Variants in PSD3 observed in about 807,000 individuals in gnomAD.
The protein encoded by PSD3 is PH and SEC7 domain-containing protein 3.
Under a neutral mutation model 105.5 loss-of-function variants are expected in PSD3, and 49 were observed. The observed-to-expected ratio is 0.46, with a 90% CI of 0.37 to 0.59. The LOEUF is 0.59. PSD3 is among the 20% of genes least tolerant of loss of function. The pLI is 0.00. For missense variants in PSD3, 1,561 were observed against 1,263.8 expected (o/e 1.24, Z -3.57); for synonymous variants, 557 against 457.8 (o/e 1.22, Z -2.77).
intron 4 of PSD3, among the ~76,000 whole-genome samples, chr8:18,813,919 A>C (rs964231194): frequency 6.6e-6 from 1 of 152,248 alleles, no homozygotes; most frequent in Admixed American, 6.5e-5. Context: ...CATCTTCGTC[A>C]CCAACACCAC....
rs552596669 is a variant in PSD3, at chr8:18,757,209, T to G, written c.2172+8240A>C. 4.6e-5 allele frequency among the ~76,000 whole-genome samples: 7 copies of G among 150,876 alleles called. No individual in the cohort carries two copies. In the East Asian group the frequency reaches 7.8e-4, roughly 17 times the overall value. ...GGCTCACGCCTGGAATCCCAGCACT[T>G]TGGGAGGCCGAGGTGGGTGGATCAT... On this transcript the variant is annotated intron_variant, in intron 9 of 15. Coordinates refer to ENST00000327040, the MANE Select transcript of PSD3 (RefSeq NM_015310.4).
At chr8:18,536,154 A>G (rs545333118) in intron 15 of PSD3, among the ~76,000 whole-genome samples, 196 bp from the exon 16 acceptor site, 2 of 152,332 alleles carry the variant, frequency 1.3e-5, no homozygotes, top group African/African-American at 4.8e-5. Context: ...TGTAGATAAG[A>G]AATTAAGTTA....
At chr8:18,572,743 C>A (rs374253243) in intron 13 of PSD3, 71 bp from the exon 14 acceptor site, 25 of 1,525,832 alleles carry the variant, frequency 1.6e-5, no homozygotes, top group Middle Eastern at 1.8e-4. Flanking sequence ...GCCTATTTCA[C>A]GTTACTGATT....
intron 1 of PSD3, among the ~76,000 whole-genome samples, chr8:19,036,448 T>C (rs1351046439): frequency 6.6e-6 from 1 of 152,100 alleles, no homozygotes; most frequent in East Asian, 1.9e-4. Flanking sequence ...ATAGCTGATA[T>C]CATACAATTT....
chr8:18,705,534 C>CAAAA (rs34331384), intron 9 of PSD3, among the ~76,000 whole-genome samples: 56 of 88,402 alleles, frequency 6.3e-4, no homozygotes, highest in African/African-American at 1.5e-3. Context: ...CTGTCTCAAG[C>CAAAA]AAAAAAAAAA....
At chr8:18,747,038 G>A (rs1448242336) in intron 9 of PSD3, among the ~76,000 whole-genome samples, 7 of 152,138 alleles carry the variant, frequency 4.6e-5, no homozygotes, top group South Asian at 4.1e-4. Context: ...TTTAAATGGC[G>A]GTGTCACCTT....
intron 10 of PSD3, among the ~76,000 whole-genome samples, chr8:18,653,386 T>G (rs1808661763): frequency 6.6e-6 from 1 of 151,606 alleles, no homozygotes; most frequent in Non-Finnish European, 1.5e-5. Flanking sequence ...AAAAAGAAAT[T>G]GGAGCTTTGA....
Position 18,932,085 on chromosome 8 carries a change from C to T in PSD3, c.130+3949G>A, listed in dbSNP as rs892055712. On this transcript the variant is annotated intron_variant, in intron 2 of 15. Transcript: ENST00000327040. ...AGATTCTGCTACTTTAATACATAAG[C>T]GGTTTCCTAACAGCTAAACACTGAT... Among the ~76,000 whole-genome samples, 23 of 152,336 alleles carry T rather than the reference C, an allele frequency of 1.5e-4. No homozygotes were observed. In the East Asian group the frequency reaches 1.9e-3, roughly 13 times the overall value.
chr8:18,603,556 G>A (rs1352497364), intron 11 of PSD3, among the ~76,000 whole-genome samples: 1 of 152,100 alleles, frequency 6.6e-6, no homozygotes. Context: ...TTCTTATGAA[G>A]ACATTATTTC....
At position 18,531,378 on chromosome 8, in the gene PSD3, T is replaced by C. The variant is rs562934620; in HGVS notation, c.*4365A>G. On this transcript the variant is annotated 3_prime_UTR_variant, in exon 16 of 16. Transcript: ENST00000327040. ...CTGCCCACGTGGGTTCTGGATACTG[T>C]AGGTACAAAAGGAGAATGCCTTTGG... The C allele has an allele frequency of 5.9e-5, 9 of 152,738 alleles. No homozygotes were observed. The highest frequency in any genetic ancestry group is 1.7e-4 in the African/African-American group (7 of 41,554). 9.5% of individuals were successfully genotyped at this position (152,738 alleles called of 1,614,324 possible).
intron 2 of PSD3, chr8:18,924,391 A>C (rs1462433185): frequency 6.6e-6 from 1 of 152,200 alleles, no homozygotes; most frequent in Non-Finnish European, 1.5e-5. Context: ...GGTGGGAAGG[A>C]GGCTGGAGAG....
intron 1 of PSD3, among the ~76,000 whole-genome samples, chr8:19,052,045 C>T (rs768411843): frequency 2.8e-4 from 42 of 152,186 alleles, no homozygotes; most frequent in Non-Finnish European, 5.6e-4. Context: ...CACAATTTGC[C>T]CAATTTCAGG....
intron 1 of PSD3, among the ~76,000 whole-genome samples, chr8:18,985,504 T>C (rs1375874304): frequency 1.3e-5 from 2 of 152,214 alleles, no homozygotes; most frequent in Non-Finnish European, 1.5e-5. Flanking sequence ...ATATTTTGAA[T>C]GAAAGCTGCA....
chr8:18,681,160 C>T (rs750807559), intron 9 of PSD3, among the ~76,000 whole-genome samples: 5 of 151,970 alleles, frequency 3.3e-5, no homozygotes, highest in Admixed American at 3.3e-4. Context: ...GAGCGAACCA[C>T]GAGTTAATGG....
intron 9 of PSD3, among the ~76,000 whole-genome samples, chr8:18,723,175 A>G (rs1244637534): frequency 2.0e-5 from 3 of 152,320 alleles, no homozygotes; most frequent in South Asian, 2.1e-4. Context: ...TGGGCAGTGC[A>G]TGAACCCAGG....
chr8:18,960,617 C>A (rs12677028), intron 1 of PSD3, among the ~76,000 whole-genome samples: 61,689 of 151,958 alleles, frequency 0.41, 12,750 homozygotes, highest in African/African-American at 0.43. Flanking sequence ...AGGGCTGTTA[C>A]AGATGGGAAG....
chr8:19,036,794 G>A (rs535315318), intron 1 of PSD3, among the ~76,000 whole-genome samples: 2 of 152,262 alleles, frequency 1.3e-5, no homozygotes, highest in Admixed American at 6.5e-5. Context: ...CCTCTTGTAC[G>A]TGGTGGTAAT....
At chr8:19,083,292 G>C (rs1829700894) in intron 1 of PSD3, among the ~76,000 whole-genome samples, 1 of 152,220 alleles carries the variant, frequency 6.6e-6, no homozygotes, top group South Asian at 2.1e-4. Context: ...CACCCAATTT[G>C]AGAACAGTGC....
chr8:18,832,158 C>A (rs939962673), intron 4 of PSD3, among the ~76,000 whole-genome samples: 9 of 152,114 alleles, frequency 5.9e-5, no homozygotes, highest in African/African-American at 2.2e-4. Context: ...AGTTCTCATA[C>A]TTTATGAGCC....
Sources: allele counts gnomAD v4.1 joint callset (sites outside exome capture counted in the v4.1 genomes callset), GRCh38; gene constraint gnomAD v4.1.1; transcripts MANE v1.5; gene names NCBI Gene and HGNC (gene_info 2026-07-23, HGNC 2026-07-21).